RPH3A: variants seen among roughly 807,000 people sequenced by gnomAD.
RPH3A encodes the protein rabphilin 3A, also known as rabphilin-3A.
RPH3A carries 48 observed loss-of-function variants against 102.2 expected under a neutral mutation model. The observed-to-expected ratio is 0.47, with a 90% CI of 0.37 to 0.60. The LOEUF (loss-of-function observed/expected upper bound fraction) is 0.60, where lower values mean the gene tolerates loss of function less well. Ranked by LOEUF, RPH3A falls within the 20% of genes least tolerant of loss-of-function variation. The pLI is 0.00. For synonymous variants in RPH3A, 310 were observed against 324.3 expected (o/e 0.96, Z 0.47); for missense variants, 781 against 910.1 (o/e 0.86, Z 1.83).
At chr12:112,653,996 T>C (rs2039993918) in intron 1 of RPH3A, among the ~76,000 whole-genome samples, 1 of 152,228 alleles carries the variant, frequency 6.6e-6, no homozygotes, top group African/African-American at 2.4e-5. Context: ...CTGTATTAGC[T>C]GTATTAGTCA....
chr12:112,789,153 G>C (rs1209643630), upstream of RPH3A, among the ~76,000 whole-genome samples: 1 of 152,152 alleles, frequency 6.6e-6, no homozygotes, highest in Non-Finnish European at 1.5e-5. Flanking sequence ...GCAAGACTCT[G>C]TCTCAAATAA....
At chr12:112,885,524 T>A (rs1245228231) in intron 16 of RPH3A, among the ~76,000 whole-genome samples, 1 of 152,248 alleles carries the variant, frequency 6.6e-6, no homozygotes, top group Non-Finnish European at 1.5e-5. Flanking sequence ...GTACAGTATT[T>A]GTTATTTCTG....
chr12:112,656,208 A>G (rs1052897929), intron 1 of RPH3A, among the ~76,000 whole-genome samples: 1 of 152,176 alleles, frequency 6.6e-6, no homozygotes, highest in Admixed American at 6.5e-5. Context: ...CTTTTCTTTC[A>G]TTATTATAGA....
chr12:112,610,178 C>T (rs532263185), intron 1 of RPH3A, among the ~76,000 whole-genome samples: 1 of 152,290 alleles, frequency 6.6e-6, no homozygotes, highest in African/African-American at 2.4e-5. Flanking sequence ...TCTCCTCCTT[C>T]TGGTTTCAGC....
chr12:112,614,060 C>A (rs2039658949), intron 1 of RPH3A, among the ~76,000 whole-genome samples: 1 of 152,146 alleles, frequency 6.6e-6, no homozygotes, highest in Admixed American at 6.5e-5. Context: ...GCTTGTAAAC[C>A]ACTACAAGCT....
chr12:112,832,582 C>G (rs189060318), intron 3 of RPH3A, among the ~76,000 whole-genome samples: 242 of 152,248 alleles, frequency 1.6e-3, no homozygotes, highest in Middle Eastern at 6.8e-3. Context: ...TGGCTCACAC[C>G]TATAATCACA....
chr12:112,847,143 AG>A (rs2042244480), intron 4 of RPH3A, among the ~76,000 whole-genome samples: 1 of 152,184 alleles, frequency 6.6e-6, no homozygotes, highest in South Asian at 2.1e-4. Context: ...GGGCACCAAT[AG>A]ATGTTATGTC....
intron 1 of RPH3A, among the ~76,000 whole-genome samples, chr12:112,579,465 C>T (rs1323765939): frequency 6.6e-6 from 1 of 152,168 alleles, no homozygotes; most frequent in Non-Finnish European, 1.5e-5. Flanking sequence ...ACCTTCTCTT[C>T]TCAAATTCCC....
In RPH3A at chr12:112,887,833, T is replaced by C. The variant is rs1328433055; in HGVS notation, c.1473T>C (p.Asn491=). 6.2e-7 allele frequency: 1 copy of C among 1,613,884 alleles called. No individual in the cohort carries two copies. The highest frequency in any genetic ancestry group is 8.5e-7 in the Non-Finnish European group (1 of 1,179,804). The change falls in exon 17 of 22, where the codon AAT becomes AAC. Residue 491 remains asparagine (N), a synonymous_variant. Coordinates refer to ENST00000389385, the MANE Select transcript of RPH3A (RefSeq NM_001143854.2). ...GTGATGAGGACAAATTTGGCCACAA[T>C]GAATTTATTGGTGAGACCAGATTCT... ...SVCDEDKFGH[N]EFIGETRFSL... is the part of the protein sequence containing the mutation.
At chr12:112,868,825 G>T (rs944349132) in intron 8 of RPH3A, 96 of 455,494 alleles carry the variant, frequency 2.1e-4, no homozygotes, top group Middle Eastern at 1.7e-3. Context: ...AGGCTTCATT[G>T]TCATCCCTGG....
At chr12:112,794,516 T>A (rs1000831998) in intron 2 of RPH3A, among the ~76,000 whole-genome samples, 3 of 152,154 alleles carry the variant, frequency 2.0e-5, no homozygotes, top group Non-Finnish European at 4.4e-5. Flanking sequence ...TGGCCTCAGA[T>A]GCACAGAGAT....
At chr12:112,578,464 A>G (rs2039374482) in intron 1 of RPH3A, among the ~76,000 whole-genome samples, 1 of 152,190 alleles carries the variant, frequency 6.6e-6, no homozygotes, top group Non-Finnish European at 1.5e-5. Context: ...AACCCAAAAC[A>G]AAACAACAAA....
At chr12:112,823,945 A>T (rs2041824418) in intron 2 of RPH3A, among the ~76,000 whole-genome samples, 1 of 152,214 alleles carries the variant, frequency 6.6e-6, no homozygotes. Context: ...GAAAACAGCT[A>T]AGTGACCACT....
intron 5 of RPH3A, among the ~76,000 whole-genome samples, chr12:112,855,465 C>T (rs999529484): frequency 6.6e-6 from 1 of 152,180 alleles, no homozygotes; most frequent in African/African-American, 2.4e-5. Context: ...GCTCCCTCGT[C>T]TCCGACTCTG....
At chr12:112,612,559 CTTTT>C (rs1007489149) in intron 1 of RPH3A, among the ~76,000 whole-genome samples, 1 of 109,710 alleles carries the variant, frequency 9.1e-6, no homozygotes, top group Non-Finnish European at 1.8e-5. Flanking sequence ...GGAGTTTTGC[CTTTT>C]TTTTTTTTTT....
chr12:112,601,973 A>T (rs1051125841), intron 1 of RPH3A, among the ~76,000 whole-genome samples: 61 of 152,156 alleles, frequency 4.0e-4, no homozygotes, highest in African/African-American at 1.3e-3. Context: ...AATAGGTAAT[A>T]AAAGTATAAA....
chr12:112,680,467 C>T (rs1476884553), intron 1 of RPH3A, among the ~76,000 whole-genome samples: 3 of 152,188 alleles, frequency 2.0e-5, no homozygotes, highest in African/African-American at 7.2e-5. Flanking sequence ...ATCGTTACCA[C>T]TCCCATTTAA....
At chr12:112,800,539 T>A (rs1195796940) in intron 2 of RPH3A, among the ~76,000 whole-genome samples, 1 of 152,080 alleles carries the variant, frequency 6.6e-6, no homozygotes, top group African/African-American at 2.4e-5. Flanking sequence ...TAATTTACAA[T>A]GTTAGTAATG....
intron 1 of RPH3A, among the ~76,000 whole-genome samples, chr12:112,716,350 T>C (rs1235743705): frequency 6.6e-6 from 1 of 152,192 alleles, no homozygotes; most frequent in East Asian, 1.9e-4. Flanking sequence ...TAAATATTAC[T>C]GAATGACTGA....
Sources: gnomAD v4.1 joint callset for allele counts (sites outside exome capture counted in the v4.1 genomes callset) on GRCh38, gnomAD v4.1.1 for gene constraint, MANE v1.5 for transcripts, NCBI Gene and HGNC (gene_info 2026-07-23, HGNC 2026-07-21) for gene names.